P2RX6: variants seen among roughly 807,000 people sequenced by gnomAD.
P2RX6 encodes purinergic receptor P2X 6, also known as P2X purinoceptor 6.
Under a neutral mutation model 54.2 loss-of-function variants are expected in P2RX6, and 62 were observed. The observed-to-expected ratio is 1.14, with a 90% CI of 0.93 to 1.41. The LOEUF (loss-of-function observed/expected upper bound fraction) is 1.41. Ranked by LOEUF, P2RX6 falls within the 40% of genes most tolerant of loss-of-function variation. P2RX6 has a pLI of 0.00. For synonymous variants in P2RX6, 211 were observed against 231.9 expected (o/e 0.91, Z 0.82); for missense variants, 541 against 566.3 (o/e 0.96, Z 0.45).
intron 1 of P2RX6, among the ~76,000 whole-genome samples, 183 bp downstream of exon 1, chr22:21,015,521 TG>T (rs1210118560): frequency 5.3e-5 from 8 of 151,994 alleles, no homozygotes; most frequent in South Asian, 2.1e-4. Context: ...ACAAGCTGTG[TG>T]TTTGTCCTGT....
In P2RX6 at chr22:21,026,062, G is replaced by T; in HGVS notation, c.1036G>T (p.Ala346Ser). 6.2e-7 allele frequency: 1 copy of T among 1,611,018 alleles called. No homozygotes were observed. The highest frequency in any genetic ancestry group is 8.5e-7 in the Non-Finnish European group (1 of 1,179,028). ...PTAVTLGTGA[A>S]WLGVVTFFCD... ...GGCCGTCACACTGGGCACCGGGGCA[G>T]CTTGGCTGGGCGTGGTGAGTGCGAG... is the stretch of plus-strand genomic sequence containing the variant. Residue 346 changes from alanine to serine, a missense_variant, in exon 10 of 12, where the codon GCT becomes TCT. This residue lies in a region of P2RX6 where 526 missense variants were observed against 531.5 expected (regional missense o/e 0.99). Coordinates refer to ENST00000413302, the MANE Select transcript of P2RX6 (RefSeq NM_005446.5). This position sits in a 1 kb window ranked among gnomAD's most constrained non-coding sequence, Gnocchi z 4.0.
chr22:21,013,424 G>C (rs3761414), upstream of P2RX6, among the ~76,000 whole-genome samples: 22,071 of 152,212 alleles, frequency 0.15, 1,640 homozygotes, highest in Middle Eastern at 0.19. Context: ...AACATAGCGA[G>C]ATAAAAAATT....
intron 3 of P2RX6, 41 bp from the exon 4 acceptor site, chr22:21,022,635 A>T (rs946758522): frequency 1.4e-6 from 2 of 1,402,750 alleles, no homozygotes; most frequent in Non-Finnish European, 1.9e-6. Flanking sequence ...GAGGGGAGAC[A>T]TCCCCTGTGC....
rs946810937 is a variant in P2RX6, at chr22:21,022,809, C to T, written c.463+58C>T. 6 of 1,492,026 alleles carry T rather than the reference C, an allele frequency of 4.0e-6. No individual in the cohort carries two copies. The African/African-American group carries it at 8.3e-5, about 21-fold the overall frequency. 92.4% of individuals were successfully genotyped at this position (1,492,026 alleles called of 1,614,324 possible). A position where few individuals can be genotyped will look rare whatever the true frequency, so the allele number is the denominator to read the frequency against. Reference sequence around the variant, plus strand: ...GCAGGGTGGGGGCCGGGCTGGGATCCTGGGTGGCTCCTGAGTGCAGGCCCT... The same window carrying T: ...GCAGGGTGGGGGCCGGGCTGGGATCTTGGGTGGCTCCTGAGTGCAGGCCCT... On this transcript the variant is annotated intron_variant, in intron 4 of 11. Transcript: ENST00000413302.
At chr22:21,018,350 T>C in intron 3 of P2RX6, 1 of 416,838 alleles carries the variant, frequency 2.4e-6, no homozygotes, top group Non-Finnish European at 4.5e-6. Context: ...CCCCGAGCTC[T>C]GGGCAGCAGC....
intron 3 of P2RX6, among the ~76,000 whole-genome samples, chr22:21,021,099 C>T (rs532821646): frequency 3.3e-5 from 5 of 152,246 alleles, no homozygotes; most frequent in African/African-American, 1.2e-4. Flanking sequence ...GTAAGCCCCA[C>T]TAAGGAGCTA....
At chr22:21,019,798 C>A (rs970614892) in intron 3 of P2RX6, among the ~76,000 whole-genome samples, 5 of 152,232 alleles carry the variant, frequency 3.3e-5, no homozygotes, top group Non-Finnish European at 7.3e-5. Context: ...TATAGATTAA[C>A]TAAAAGTATT....
intron 4 of P2RX6, 53 bp downstream of exon 4, chr22:21,022,804 G>C: frequency 2.7e-6 from 4 of 1,507,220 alleles, no homozygotes; most frequent in Non-Finnish European, 1.8e-6. Flanking sequence ...GGCCGGGCTG[G>C]GATCCTGGGT....
At chr22:21,020,261 A>G (rs8141816) in intron 3 of P2RX6, among the ~76,000 whole-genome samples, 48,491 of 152,124 alleles carry the variant, frequency 0.32, 7,952 homozygotes, top group East Asian at 0.41. Context: ...GGCTCTTCCC[A>G]TGAAACGTCA....
intron 1 of P2RX6, 122 bp from the exon 2 acceptor site, chr22:21,015,820 G>A (rs997434412): frequency 2.6e-5 from 25 of 975,456 alleles, no homozygotes; most frequent in Non-Finnish European, 3.8e-5. Context: ...AGGAGGTGGG[G>A]CCTTCGATGT....
chr22:21,016,474 A>G (rs953802230), intron 2 of P2RX6, among the ~76,000 whole-genome samples: 7 of 151,738 alleles, frequency 4.6e-5, no homozygotes, highest in Non-Finnish European at 8.8e-5. Context: ...CTGTAGTCGC[A>G]GCTACTCGGG....
chr22:21,022,454 G>T (rs1927568562), intron 3 of P2RX6, among the ~76,000 whole-genome samples: 2 of 152,202 alleles, frequency 1.3e-5, no homozygotes, highest in South Asian at 4.2e-4. Context: ...ATCTGGCCAG[G>T]GCATTGCTCC....
chr22:21,016,038 C>A lies in P2RX6; in HGVS notation c.261C>A (p.Ile87=). ...TCAAAGGGGTTTCCGTCACTCAGAT[C>A]AAGGAGCTTGGAAACCGGCTGTGGG... ...TKLKGVSVTQ[I]KELGNRLWDV... Residue 87 remains isoleucine (I), a synonymous_variant, in exon 2 of 12, where the codon ATC becomes ATA. Coordinates refer to ENST00000413302, the MANE Select transcript of P2RX6 (RefSeq NM_005446.5). The A allele has an allele frequency of 6.4e-7, 1 of 1,559,384 alleles. No individual in the cohort carries two copies. Among genetic ancestry groups the A allele is most frequent in the Non-Finnish European group, 8.7e-7 (1 of 1,152,334 alleles).
rs1009794036 is a variant in P2RX6, at chr22:21,023,294, T to G, written c.658T>G (p.Trp220Gly). The G allele has an allele frequency of 1.2e-6, 2 of 1,613,884 alleles. No homozygotes were observed. The highest frequency in any genetic ancestry group is 1.3e-5 in the African/African-American group (1 of 74,924). Reference sequence around the variant, plus strand: ...TCCCAGGTCCAATGCCTTGGAGACCTGGGACCCCACCTATTTTAAGCACTG... The same window carrying G: ...TCCCAGGTCCAATGCCTTGGAGACCGGGGACCCCACCTATTTTAAGCACTG... ...NFSKSNALET[W>G]DPTYFKHCRY... Residue 220 changes from tryptophan to glycine, a missense_variant, in exon 7 of 12, where the codon TGG becomes GGG. Physicochemically the swap from Trp to Gly is radical, Grantham distance 184 (BLOSUM62 -2). Around this residue, in one of 2 missense-constraint regions of P2RX6, gnomAD observed 526 missense variants for 531.5 expected, o/e 0.99. Coordinates refer to ENST00000413302, the MANE Select transcript of P2RX6 (RefSeq NM_005446.5).
At chr22:21,023,648 T>A in intron 8 of P2RX6, 30 bp downstream of exon 8, 2 of 1,488,410 alleles carry the variant, frequency 1.3e-6, no homozygotes, top group Non-Finnish European at 1.8e-6. Context: ...AGTGCCCAGC[T>A]GCTGGGCCCA....
chr22:21,013,823 G>A (rs1925920160), upstream of P2RX6: 2 of 152,250 alleles, frequency 1.3e-5, no homozygotes, highest in South Asian at 2.1e-4. Context: ...ATTTCAGGGC[G>A]GGACAGCCTT....
rs1428263270 is a variant in P2RX6, at chr22:21,027,850, T to C, written c.*1233T>C. Reference sequence around the variant, plus strand: ...TGCTGCCTCTCAATCTCCAGAGCCATGTCCATGGGGAGGTGGGCTCTGAAG... The same window carrying C: ...TGCTGCCTCTCAATCTCCAGAGCCACGTCCATGGGGAGGTGGGCTCTGAAG... On this transcript the variant is annotated 3_prime_UTR_variant, in exon 12 of 12. Coordinates refer to ENST00000413302, the MANE Select transcript of P2RX6 (RefSeq NM_005446.5). 6.6e-6 allele frequency: 1 copy of C among 152,246 alleles called. No individual in the cohort carries two copies. Among genetic ancestry groups the C allele is most frequent in the Non-Finnish European group, 1.5e-5 (1 of 68,060 alleles). 9.4% of individuals were successfully genotyped at this position (152,246 alleles called of 1,614,324 possible).
upstream of P2RX6, among the ~76,000 whole-genome samples, chr22:21,011,032 A>G (rs441210): frequency 3.9e-5 from 6 of 152,060 alleles, no homozygotes; most frequent in Admixed American, 6.6e-5. Flanking sequence ...GGGGGTCCCC[A>G]TTCTTCTCTA....
At chr22:21,025,453 C>T (rs1468879315) in intron 8 of P2RX6, among the ~76,000 whole-genome samples, 1 of 152,160 alleles carries the variant, frequency 6.6e-6, no homozygotes, top group African/African-American at 2.4e-5. Context: ...CATGTTCCTT[C>T]AGGCCCAGCC....
Sources: gnomAD v4.1 joint callset for allele counts (sites outside exome capture counted in the v4.1 genomes callset) on GRCh38, gnomAD v4.1.1 for gene constraint, gnomAD v4.1.1 regional missense constraint, Gnocchi (gnomAD v3.1) non-coding constraint, MANE v1.5 for transcripts, NCBI Gene and HGNC (gene_info 2026-07-23, HGNC 2026-07-21) for gene names.